CDH8: variants seen among roughly 807,000 people sequenced by gnomAD.
The protein encoded by CDH8 is cadherin 8.
CDH8 carries 17 observed loss-of-function variants against 68.1 expected under a neutral mutation model. The observed-to-expected ratio is 0.25, with a 90% CI of 0.17 to 0.37. The LOEUF is 0.37. Ranked by LOEUF, CDH8 falls within the 10% of genes least tolerant of loss-of-function variation. The probability of loss-of-function intolerance (pLI) is 1.00; values close to 1 mark genes in which losing one functional copy is unlikely to be tolerated. For missense variants in CDH8, 763 were observed against 999.3 expected (o/e 0.76, Z 3.19); for synonymous variants, 372 against 365.1 (o/e 1.02, Z -0.21).
At position 61,977,481 on chromosome 16, in the gene CDH8, T is replaced by C. The variant is rs767875052; in HGVS notation, c.252+43671A>G. ...GTGGGCTAAAATATGATGGCTGAAC[T>C]GTCAATATGATAAATTCTTATCTAT... On this transcript the variant is annotated intron_variant, in intron 2 of 11. Coordinates refer to ENST00000577390, the MANE Select transcript of CDH8 (RefSeq NM_001796.5). 5.4e-4 allele frequency among the ~76,000 whole-genome samples: 82 copies of C among 152,162 alleles called. 1 individual carries two copies. Among genetic ancestry groups the C allele is most frequent in the Non-Finnish European group, 2.4e-4 (16 of 68,018 alleles).
intron 3 of CDH8, among the ~76,000 whole-genome samples, chr16:61,899,839 C>G (rs1347312801): frequency 2.0e-5 from 3 of 148,322 alleles, no homozygotes; most frequent in African/African-American, 7.6e-5. Context: ...AAGACACACA[C>G]ACACACACAC....
At chr16:61,830,077 A>G (rs1962423479) in intron 4 of CDH8, among the ~76,000 whole-genome samples, 1 of 151,850 alleles carries the variant, frequency 6.6e-6, no homozygotes, top group Non-Finnish European at 1.5e-5. Flanking sequence ...TAGCCTTACT[A>G]TTCTCTTCTA....
At chr16:61,987,978 C>G (rs1024900500) in intron 2 of CDH8, among the ~76,000 whole-genome samples, 4 of 152,020 alleles carry the variant, frequency 2.6e-5, no homozygotes, top group Non-Finnish European at 4.4e-5. Context: ...GGTAAATCGC[C>G]CAAGCTTCTC....
At chr16:61,967,798 A>T (rs765340498) in intron 2 of CDH8, among the ~76,000 whole-genome samples, 6 of 151,822 alleles carry the variant, frequency 4.0e-5, no homozygotes, top group Non-Finnish European at 7.4e-5. Flanking sequence ...TTAAATTGAG[A>T]TTATTTATTT....
intron 10 of CDH8, chr16:61,692,750 A>T (rs1345126241): frequency 6.6e-6 from 1 of 152,096 alleles, no homozygotes; most frequent in Non-Finnish European, 1.5e-5. Flanking sequence ...CTCTGGAGAA[A>T]ACTAATCTTC....
intron 10 of CDH8, among the ~76,000 whole-genome samples, chr16:61,681,550 A>C (rs1964012225): frequency 2.0e-5 from 3 of 149,604 alleles, no homozygotes; most frequent in Non-Finnish European, 1.5e-5. Flanking sequence ...AAAATGAGCA[A>C]GAAGGTTTTT....
At chr16:61,714,827 T>C (rs1463739913) in intron 9 of CDH8, among the ~76,000 whole-genome samples, 5 of 151,704 alleles carry the variant, frequency 3.3e-5, no homozygotes, top group Admixed American at 6.6e-5. Flanking sequence ...TAAAAAGTAG[T>C]TAACAGTGAA....
At chr16:61,807,864 C>T (rs184558655) in intron 7 of CDH8, among the ~76,000 whole-genome samples, 209 of 152,288 alleles carry the variant, frequency 1.4e-3, no homozygotes, top group Admixed American at 2.3e-3. Flanking sequence ...ACTGTCTGTC[C>T]ATCATGCTCT....
At chr16:61,822,688 C>G (rs185221048) in intron 5 of CDH8, among the ~76,000 whole-genome samples, 93 of 151,984 alleles carry the variant, frequency 6.1e-4, no homozygotes, top group African/African-American at 2.1e-3. Context: ...TCACTGCAAG[C>G]GAAGTCTCCC....
At chr16:61,924,495 T>C (rs1161307056) in intron 2 of CDH8, among the ~76,000 whole-genome samples, 1 of 151,964 alleles carries the variant, frequency 6.6e-6, no homozygotes, top group East Asian at 1.9e-4. Flanking sequence ...CAAAATTCCT[T>C]CCCCACCTCT....
intron 9 of CDH8, chr16:61,725,335 C>A (rs567621137): frequency 6.6e-6 from 1 of 150,866 alleles, no homozygotes; most frequent in African/African-American, 2.4e-5. Context: ...CCTACAAATT[C>A]CCAGAGATCC....
intron 2 of CDH8, among the ~76,000 whole-genome samples, chr16:61,928,099 G>C (rs1964484588): frequency 6.6e-6 from 1 of 152,164 alleles, no homozygotes; most frequent in Non-Finnish European, 1.5e-5. Context: ...GTATTACATG[G>C]CTGGTTTTAA....
At chr16:61,967,831 G>T (rs370216689) in intron 2 of CDH8, among the ~76,000 whole-genome samples, 1 of 151,998 alleles carries the variant, frequency 6.6e-6, no homozygotes, top group African/African-American at 2.4e-5. Context: ...CGTTTGAGAC[G>T]GAGTTTCGCT....
At chr16:61,792,994 C>T (rs1961413720) in intron 7 of CDH8, among the ~76,000 whole-genome samples, 2 of 151,910 alleles carry the variant, frequency 1.3e-5, no homozygotes, top group Admixed American at 6.6e-5. Context: ...ATGTTGATAT[C>T]CTAACTCCCA....
chr16:61,689,990 C>T (rs927821613), intron 10 of CDH8, among the ~76,000 whole-genome samples: 15 of 152,002 alleles, frequency 9.9e-5, no homozygotes, highest in Non-Finnish European at 1.9e-4. Context: ...CCTCAGTTAA[C>T]CAGTTACACT....
chr16:62,019,904 T>A (rs1902030796), intron 2 of CDH8, among the ~76,000 whole-genome samples: 1 of 152,172 alleles, frequency 6.6e-6, no homozygotes, highest in African/African-American at 2.4e-5. Context: ...GGCCAAAACA[T>A]AAGTTCCTTA....
chr16:62,030,299 T>C (rs1902293966), intron 1 of CDH8, among the ~76,000 whole-genome samples: 2 of 152,224 alleles, frequency 1.3e-5, no homozygotes, highest in Non-Finnish European at 2.9e-5. Context: ...TCAGCTACTA[T>C]AGTTTAGTGA....
Position 61,713,844 on chromosome 16 carries a change from C to G in CDH8, c.1651G>C (p.Glu551Gln), listed in dbSNP as rs141559070. ...NNPNFTIKKN[E>Q]DNSLSILAKH... ...TTCACAAAGCTAATATATTTACCTT[C>G]ATTTTTCTTGATGGTGAAATTCGGA... The change falls in exon 10 of 12, where the codon GAA becomes CAA. Residue 551 changes from glutamate to glutamine, a missense_variant. Physicochemically the swap from Glu to Gln is conservative, Grantham distance 29. This residue lies in a region of CDH8 where 397 missense variants were observed against 436.2 expected (regional missense o/e 0.91). Coordinates refer to ENST00000577390, the MANE Select transcript of CDH8 (RefSeq NM_001796.5). The G allele has an allele frequency of 2.8e-4, 420 of 1,498,826 alleles. 6 individuals are homozygous for G. In the Middle Eastern group the frequency reaches 0.014, roughly 50 times the overall value. The allele number at this position is 1,498,826 out of a possible 1,614,324, so 92.8% of individuals were successfully genotyped here.
chr16:61,877,567 A>C (rs1193884198), intron 3 of CDH8, among the ~76,000 whole-genome samples: 2 of 152,192 alleles, frequency 1.3e-5, no homozygotes, highest in Non-Finnish European at 2.9e-5. Flanking sequence ...GAGTAGAGAC[A>C]TTGTGAGTCA....
Sources: allele counts gnomAD v4.1 joint callset (sites outside exome capture counted in the v4.1 genomes callset), GRCh38; gene constraint gnomAD v4.1.1; regional missense constraint gnomAD v4.1.1; transcripts MANE v1.5; gene names NCBI Gene and HGNC (gene_info 2026-07-23, HGNC 2026-07-21).